ADAMTS18: variants seen among roughly 807,000 people sequenced by gnomAD.
The protein encoded by ADAMTS18 is A disintegrin and metalloproteinase with thrombospondin motifs 18.
A neutral mutation model predicts 165.9 loss-of-function variants in ADAMTS18; 157 were observed. The observed-to-expected ratio is 0.95, with a 90% CI of 0.83 to 1.08. ADAMTS18 has a LOEUF of 1.08. Ranked by LOEUF, ADAMTS18 falls within the 50% of genes least tolerant of loss-of-function variation. ADAMTS18 has a pLI of 0.00. For synonymous variants in ADAMTS18, 782 were observed against 578.2 expected (o/e 1.35, Z -5.06); for missense variants, 2,040 against 1,534.0 (o/e 1.33, Z -5.51).
In ADAMTS18 at chr16:77,335,915, A is replaced by C. The variant is rs2056303102; in HGVS notation, c.1711-11T>G. 2 of 1,614,074 alleles carry C rather than the reference A, an allele frequency of 1.2e-6. No individual in the cohort carries two copies. The highest frequency in any genetic ancestry group is 2.7e-5 in the African/African-American group (2 of 74,944). On this transcript the variant is annotated splice_polypyrimidine_tract_variant and intron_variant, in intron 11 of 22. Transcript: ENST00000282849. The stretch of plus-strand genomic sequence containing the variant: ...GCCTTGCCGACACCACTGTGAAAAG[A>C]ACGTGTAAGATGGTTCCCGTCAGAG...
chr16:77,328,275 T>A (rs773380602), intron 12 of ADAMTS18, among the ~76,000 whole-genome samples: 15 of 152,126 alleles, frequency 9.9e-5, no homozygotes, highest in Non-Finnish European at 1.8e-4. Flanking sequence ...TTCTTGTCAC[T>A]CCTCCCATTT....
intron 12 of ADAMTS18, among the ~76,000 whole-genome samples, chr16:77,327,514 C>T (rs913983160): frequency 5.9e-5 from 9 of 152,200 alleles, no homozygotes; most frequent in South Asian, 2.1e-4. Context: ...CATCAATCAA[C>T]GAGTAAAGAA....
intron 3 of ADAMTS18, among the ~76,000 whole-genome samples, chr16:77,406,938 G>C (rs545015819): frequency 2.0e-5 from 3 of 152,142 alleles, no homozygotes; most frequent in Admixed American, 6.5e-5. Flanking sequence ...GGGATTACTA[G>C]AAGGGAGAGG....
At chr16:77,302,453 C>T (rs1307274115) in intron 16 of ADAMTS18, among the ~76,000 whole-genome samples, 3 of 152,034 alleles carry the variant, frequency 2.0e-5, no homozygotes, top group African/African-American at 4.8e-5. Flanking sequence ...AGTTACAGTG[C>T]GCTAAGGCCC....
intron 3 of ADAMTS18, among the ~76,000 whole-genome samples, chr16:77,371,446 C>A (rs1439311594): frequency 6.6e-6 from 1 of 151,966 alleles, no homozygotes; most frequent in Non-Finnish European, 1.5e-5. Context: ...CATAAAACAA[C>A]AGAACAGAAG....
chr16:77,378,897 G>C (rs1267125536), intron 3 of ADAMTS18: 1 of 152,072 alleles, frequency 6.6e-6, no homozygotes, highest in Non-Finnish European at 1.5e-5. Context: ...CCTTCAGTTG[G>C]ACTTGAAATT....
intron 13 of ADAMTS18, among the ~76,000 whole-genome samples, chr16:77,323,628 C>G (rs909775726): frequency 6.7e-6 from 1 of 150,272 alleles, no homozygotes; most frequent in Admixed American, 6.7e-5. Context: ...AGAGGAAAGA[C>G]GGGAAAAAAC....
At chr16:77,401,009 A>C (rs1056980587) in intron 3 of ADAMTS18, among the ~76,000 whole-genome samples, 1 of 151,918 alleles carries the variant, frequency 6.6e-6, no homozygotes, top group South Asian at 2.1e-4. Flanking sequence ...TAATTCTAGC[A>C]CTTTGGGAGG....
intron 6 of ADAMTS18, among the ~76,000 whole-genome samples, chr16:77,363,269 GA>G (rs2056742502): frequency 6.6e-6 from 1 of 152,024 alleles, no homozygotes; most frequent in African/African-American, 2.4e-5. Context: ...TCAATCCAAG[GA>G]CAGTTAAATA....
intron 10 of ADAMTS18, among the ~76,000 whole-genome samples, chr16:77,347,060 A>G (rs781556619): frequency 2.6e-5 from 4 of 152,222 alleles, no homozygotes; most frequent in Admixed American, 6.5e-5. Flanking sequence ...GGAACCATAC[A>G]GAATGTACTC....
intron 16 of ADAMTS18, among the ~76,000 whole-genome samples, chr16:77,309,798 T>A (rs1336979622): frequency 6.6e-6 from 1 of 152,136 alleles, no homozygotes; most frequent in East Asian, 1.9e-4. Context: ...ACTCAACACC[T>A]TGAAAGGGCA....
At chr16:77,300,628 G>C (rs1028393907) in intron 16 of ADAMTS18, among the ~76,000 whole-genome samples, 1 of 151,984 alleles carries the variant, frequency 6.6e-6, no homozygotes, top group Non-Finnish European at 1.5e-5. Context: ...AGATGCTAAA[G>C]AGCAAAACAC....
intron 11 of ADAMTS18, among the ~76,000 whole-genome samples, chr16:77,337,830 A>T (rs8044388): frequency 0.021 from 3,150 of 152,236 alleles, 109 homozygotes; most frequent in African/African-American, 0.072. Context: ...CATTCACATG[A>T]ATAGGTAAAA....
At chr16:77,284,092 T>C (rs776051673) in intron 22 of ADAMTS18, 21 bp from the exon 23 acceptor site, 53 of 1,524,996 alleles carry the variant, frequency 3.5e-5, no homozygotes, top group Non-Finnish European at 4.2e-5. Flanking sequence ...AAAATATATT[T>C]AGCATGTTGG....
intron 3 of ADAMTS18, among the ~76,000 whole-genome samples, chr16:77,427,458 G>A (rs1051697541): frequency 6.6e-6 from 1 of 152,180 alleles, no homozygotes; most frequent in Non-Finnish European, 1.5e-5. Flanking sequence ...TCTCATCACT[G>A]TGCTAGTCAG....
chr16:77,360,979 T>C (rs1034489110), intron 7 of ADAMTS18, among the ~76,000 whole-genome samples: 1 of 151,996 alleles, frequency 6.6e-6, no homozygotes, highest in East Asian at 1.9e-4. Flanking sequence ...CCAGCTACTC[T>C]GGAGGCTGAG....
chr16:77,347,215 G>A (rs943720909), intron 10 of ADAMTS18, among the ~76,000 whole-genome samples: 2 of 152,124 alleles, frequency 1.3e-5, no homozygotes, highest in Admixed American at 1.3e-4. Flanking sequence ...CGTTTAAATA[G>A]TATCTAGTCT....
chr16:77,421,420 G>A (rs2057601291), intron 3 of ADAMTS18, among the ~76,000 whole-genome samples: 1 of 152,202 alleles, frequency 6.6e-6, no homozygotes, highest in African/African-American at 2.4e-5. Flanking sequence ...AATGTTTTTG[G>A]TCATGAAAGC....
chr16:77,425,335 T>C (rs893787428), intron 3 of ADAMTS18, among the ~76,000 whole-genome samples: 3 of 151,916 alleles, frequency 2.0e-5, no homozygotes, highest in African/African-American at 7.3e-5. Context: ...CTGGAGGGAG[T>C]TCTCATGGCA....
Sources: gnomAD v4.1 joint callset for allele counts (sites outside exome capture counted in the v4.1 genomes callset) on GRCh38, gnomAD v4.1.1 for gene constraint, MANE v1.5 for transcripts, NCBI Gene and HGNC (gene_info 2026-07-23, HGNC 2026-07-21) for gene names.